NF1: variants seen among roughly 807,000 people sequenced by gnomAD.
NF1 encodes the protein neurofibromin.
Under a neutral mutation model 325.7 loss-of-function variants are expected in NF1, and 122 were observed. The ratio of observed to expected loss-of-function variants is 0.37; its 90% CI spans 0.32 to 0.44. NF1 has a LOEUF of 0.44. Among genes scored for constraint, NF1 ranks in the 20% least tolerant of loss-of-function variants. The pLI, the probability that NF1 is intolerant of heterozygous loss-of-function variation, is 1.00. For synonymous variants in NF1, 1,091 were observed against 1,186.0 expected (o/e 0.92, Z 1.65); for missense variants, 2,140 against 3,415.4 (o/e 0.63, Z 9.31).
At chr17:31,213,758 T>C (rs1169835752) in intron 12 of NF1, among the ~76,000 whole-genome samples, 1 of 152,236 alleles carries the variant, frequency 6.6e-6, no homozygotes, top group African/African-American at 2.4e-5. Context: ...GAGTTCTTTC[T>C]GTTTTACAAA....
At chr17:31,118,643 G>A (rs1914162680) in intron 1 of NF1, among the ~76,000 whole-genome samples, 1 of 152,080 alleles carries the variant, frequency 6.6e-6, no homozygotes, top group African/African-American at 2.4e-5. Context: ...TAGTTGCATG[G>A]TATTCCATGG....
At chr17:31,133,506 G>C (rs887948471) in intron 1 of NF1, 2 of 152,132 alleles carry the variant, frequency 1.3e-5, no homozygotes, top group Non-Finnish European at 2.9e-5. Context: ...CTAGAAGTAG[G>C]GTTGCTGGAT....
intron 39 of NF1, among the ~76,000 whole-genome samples, chr17:31,334,241 G>A (rs1282037455): frequency 2.6e-5 from 4 of 151,722 alleles, no homozygotes; most frequent in Middle Eastern, 3.4e-3. Context: ...AACTTGCAGT[G>A]AGCCGAGATC....
At chr17:31,373,692 A>T (rs1048917291) in intron 57 of NF1, among the ~76,000 whole-genome samples, 1 of 152,230 alleles carries the variant, frequency 6.6e-6, no homozygotes, top group African/African-American at 2.4e-5. Flanking sequence ...AAAGATTATA[A>T]TACTGTATTT....
intron 1 of NF1, among the ~76,000 whole-genome samples, chr17:31,112,271 T>C (rs1408370571): frequency 1.3e-5 from 2 of 152,164 alleles, no homozygotes; most frequent in African/African-American, 4.8e-5. Context: ...GTCATTTCTC[T>C]TGAGTAAATA....
intron 3 of NF1, among the ~76,000 whole-genome samples, chr17:31,160,419 C>T (rs1450923999): frequency 1.3e-5 from 2 of 152,062 alleles, no homozygotes; most frequent in Non-Finnish European, 2.9e-5. Flanking sequence ...TCTTATTGAC[C>T]GTTGACCATA....
intron 36 of NF1, among the ~76,000 whole-genome samples, chr17:31,285,966 A>C (rs867188087): frequency 2.0e-5 from 3 of 152,224 alleles, no homozygotes; most frequent in Non-Finnish European, 4.4e-5. Context: ...ACAGAAAATG[A>C]GGTGTATCAT....
intron 14 of NF1, among the ~76,000 whole-genome samples, chr17:31,220,891 G>T (rs940697399): frequency 2.6e-5 from 4 of 152,022 alleles, no homozygotes; most frequent in Admixed American, 1.3e-4. Context: ...TTTAATTTGT[G>T]TTGTTTTTCC....
intron 35 of NF1, among the ~76,000 whole-genome samples, chr17:31,264,344 G>A (rs2067748255): frequency 6.6e-6 from 1 of 151,744 alleles, no homozygotes; most frequent in African/African-American, 2.4e-5. Context: ...CCGGGAGGCA[G>A]AGGTTGCAGT....
chr17:31,115,685 C>T (rs533585467), intron 1 of NF1, among the ~76,000 whole-genome samples: 1 of 152,302 alleles, frequency 6.6e-6, no homozygotes, highest in Non-Finnish European at 1.5e-5. Context: ...TAACCCATTC[C>T]TGCATAACCC....
At chr17:31,147,240 C>T (rs1916641293) in intron 1 of NF1, among the ~76,000 whole-genome samples, 1 of 152,162 alleles carries the variant, frequency 6.6e-6, no homozygotes, top group African/African-American at 2.4e-5. Flanking sequence ...CTTTCAGTCA[C>T]TGTTTTCCAG....
rs113005063 is a variant in NF1 at position 31,211,737 on chromosome 17, G to C, written c.1393-2714G>C. ...ACAGAAAAGGTGCAGTAACAATACA[G>C]TATAAAAGAAAAAAATGTATAGGAC... On this transcript the variant is annotated intron_variant, in intron 12 of 57. Transcript: ENST00000358273. Among the ~76,000 whole-genome samples, 564 of 152,232 alleles carry C rather than the reference G, an allele frequency of 3.7e-3. 6 individuals are homozygous for C. Among genetic ancestry groups the C allele is most frequent in the African/African-American group, 0.013 (536 of 41,534 alleles).
intron 8 of NF1, among the ~76,000 whole-genome samples, chr17:31,195,968 C>G (rs2066427489): frequency 6.6e-6 from 1 of 151,920 alleles, no homozygotes; most frequent in South Asian, 2.1e-4. Context: ...ATTTCTGGAT[C>G]ATATGGTTAT....
chr17:31,239,555 GGA>G (rs2151441554), intron 29 of NF1, among the ~76,000 whole-genome samples: 1 of 149,992 alleles, frequency 6.7e-6, no homozygotes, highest in East Asian at 2.0e-4. Flanking sequence ...CAAGATGGGG[GGA>G]GGAATCAGAA....
intron 1 of NF1, among the ~76,000 whole-genome samples, chr17:31,121,344 C>A (rs1914410320): frequency 6.7e-6 from 1 of 150,214 alleles, no homozygotes; most frequent in South Asian, 2.1e-4. Flanking sequence ...TTCATATATT[C>A]ATTCATTCAA....
intron 1 of NF1, among the ~76,000 whole-genome samples, chr17:31,142,293 T>C (rs998309969): frequency 2.6e-5 from 4 of 152,226 alleles, no homozygotes; most frequent in African/African-American, 9.6e-5. Context: ...TTCTATAATA[T>C]AGCAAGAAAT....
rs1418340346 is a variant in NF1, at chr17:31,235,995, T to A, written c.3948T>A (p.His1316Gln). 1.9e-6 allele frequency: 3 copies of A among 1,613,950 alleles called. No homozygotes were observed. In the African/African-American group the frequency reaches 4.0e-5, roughly 22 times the overall value. The stretch of plus-strand genomic sequence containing the variant: ...TGATCACATCCTCTGATTGGCAACA[T>A]GTTAGCTTTGAAGTGGATCCTACCA... Reference protein sequence around the residue: ...RIVITSSDWQHVSFEVDPTRL... With the variant: ...RIVITSSDWQQVSFEVDPTRL... Residue 1316 changes from histidine to glutamine, a missense_variant, in exon 29 of 58, where the codon CAT (histidine) becomes CAA (glutamine). By Grantham distance (24) the His-to-Gln change is conservative (BLOSUM62 0). This residue lies in a region of NF1 where 336 missense variants were observed against 399.0 expected (regional missense o/e 0.84). Coordinates refer to ENST00000358273, the MANE Select transcript of NF1 (RefSeq NM_001042492.3).
chr17:31,139,455 A>G (rs1916054236), intron 1 of NF1, among the ~76,000 whole-genome samples: 1 of 151,936 alleles, frequency 6.6e-6, no homozygotes, highest in African/African-American at 2.4e-5. Context: ...CGTGGTAATC[A>G]TTTCAGAATG....
chr17:31,312,371 C>T (rs2068899203), intron 36 of NF1, among the ~76,000 whole-genome samples: 2 of 151,744 alleles, frequency 1.3e-5, no homozygotes, highest in South Asian at 4.2e-4. Flanking sequence ...ATTAGCCAGG[C>T]GTGGTGGTGG....
Sources: gnomAD v4.1 joint callset for allele counts (sites outside exome capture counted in the v4.1 genomes callset) on GRCh38, gnomAD v4.1.1 for gene constraint, gnomAD v4.1.1 regional missense constraint, MANE v1.5 for transcripts, NCBI Gene and HGNC (gene_info 2026-07-23, HGNC 2026-07-21) for gene names.